Variants in PON2 observed in about 807,000 individuals in gnomAD.
PON2 encodes the protein paraoxonase 2.
Under a neutral mutation model 36.6 loss-of-function variants are expected in PON2, and 27 were observed. The ratio of observed to expected loss-of-function variants is 0.74; its 90% CI spans 0.54 to 1.02. PON2 has a LOEUF of 1.02. Among genes scored for constraint, PON2 ranks in the 50% least tolerant of loss-of-function variants. PON2 has a pLI of 0.00. For synonymous variants in PON2, 149 were observed against 156.3 expected, an observed-to-expected ratio of 0.95 and a Z score of 0.35; for missense variants, 363 against 421.1, an observed-to-expected ratio of 0.86 and a Z score of 1.21.
intron 2 of PON2, 25 bp downstream of exon 2, chr7:95,424,490 C>A: frequency 1.3e-6 from 2 of 1,591,702 alleles, no homozygotes. Flanking sequence ...TGCAATGTGC[C>A]CAACAAGCAT....
At chr7:95,424,858 C>T (rs1351662843) in intron 1 of PON2, among the ~76,000 whole-genome samples, 1 of 151,552 alleles carries the variant, frequency 6.6e-6, no homozygotes, top group African/African-American at 2.4e-5. Flanking sequence ...ACTTATAATG[C>T]AAGTTCCTAT....
At chr7:95,405,855 C>T (rs17876204) in intron 8 of PON2, among the ~76,000 whole-genome samples, 97 of 152,134 alleles carry the variant, frequency 6.4e-4, no homozygotes, top group Admixed American at 1.0e-3. Context: ...GTATACCACC[C>T]AAGAAGGGCA....
intron 2 of PON2, among the ~76,000 whole-genome samples, chr7:95,422,004 TA>T (rs1449971411): frequency 1.3e-5 from 2 of 152,216 alleles, no homozygotes; most frequent in Non-Finnish European, 2.9e-5. Context: ...GTCAAAACTC[TA>T]AACACATATT....
chr7:95,415,936 G>T, intron 3 of PON2: 1 of 394,198 alleles, frequency 2.5e-6, no homozygotes, highest in Non-Finnish European at 4.6e-6. Flanking sequence ...GGGGCAACCA[G>T]AACAAGACTC....
Position 95,434,967 on chromosome 7 carries a change from C to G in PON2, c.-16G>C. The G allele has an allele frequency of 6.6e-7, 1 of 1,520,850 alleles. No individual in the cohort carries two copies. The highest frequency in any genetic ancestry group is 2.0e-5 in the Admixed American group (1 of 49,664). The allele number at this position is 1,520,850 out of a possible 1,614,324, so 94.2% of individuals were successfully genotyped here. On this transcript the variant is annotated 5_prime_UTR_variant, in exon 1 of 9. Coordinates refer to ENST00000222572, the MANE Select transcript of PON2 (RefSeq NM_000305.3). Reference sequence around the variant, plus strand: ...GCCGCCCCATGGCGCGGGAGCCGGGCGCGCTGCCTCGCTCCGGCCTGGCCA... The same window carrying G: ...GCCGCCCCATGGCGCGGGAGCCGGGGGCGCTGCCTCGCTCCGGCCTGGCCA...
chr7:95,411,197 T>C (rs775532732), intron 5 of PON2, among the ~76,000 whole-genome samples: 9 of 152,154 alleles, frequency 5.9e-5, no homozygotes, highest in South Asian at 2.1e-4. Context: ...CATGCAACCA[T>C]CACTAACCCT....
intron 4 of PON2, 42 bp downstream of exon 4, chr7:95,412,270 C>G: frequency 6.2e-7 from 1 of 1,604,850 alleles, no homozygotes; most frequent in Non-Finnish European, 8.5e-7. Flanking sequence ...CATTTGTGAA[C>G]CATCACACGT....
chr7:95,406,204 G>A lies in PON2; in HGVS notation c.821C>T (p.Pro274Leu), dbSNP rs77619496. ...GCCTACCCAGATGTCCCCCGAGGAA[G>A]GATCAATAGATAAATTATCCACCAG... The part of the protein sequence containing the change: ...DTLVDNLSID[P>L]SSGDIWVGCH... The change falls in exon 8 of 9, where the codon CCT (proline) becomes CTT (leucine). Residue 274 changes from proline to leucine, a missense_variant. Pro to Leu is a moderately conservative substitution (Grantham distance 98, BLOSUM62 -3). Coordinates refer to ENST00000222572, the MANE Select transcript of PON2 (RefSeq NM_000305.3). 16 of 1,612,294 alleles carry A rather than the reference G, an allele frequency of 9.9e-6. No homozygotes were observed. In the East Asian group the frequency reaches 3.6e-4, roughly 36 times the overall value.
rs1261547703 is a variant in PON2 at position 95,412,294 on chromosome 7, T to C, written c.367+18A>G. ...ACCATCACACGTTACTAAATGTTGGTAGCCCATTGGCTCTTACCGTTGTCT... is the reference window on the plus strand; with the variant it reads ...ACCATCACACGTTACTAAATGTTGGCAGCCCATTGGCTCTTACCGTTGTCT... On this transcript the variant is annotated intron_variant, in intron 4 of 8. Coordinates refer to ENST00000222572, the MANE Select transcript of PON2 (RefSeq NM_000305.3). The C allele has an allele frequency of 6.2e-7, 1 of 1,613,802 alleles. No homozygotes were observed. Among genetic ancestry groups the C allele is most frequent in the Non-Finnish European group, 8.5e-7 (1 of 1,179,676 alleles).
intron 2 of PON2, chr7:95,424,295 T>C (rs767955784): frequency 1.2e-5 from 7 of 566,270 alleles, no homozygotes; most frequent in African/African-American, 5.7e-5. Flanking sequence ...ATGCTAAACA[T>C]AGAATTACAC....
chr7:95,420,172 CAT>C, intron 2 of PON2, among the ~76,000 whole-genome samples: 1 of 152,054 alleles, frequency 6.6e-6, no homozygotes, highest in Non-Finnish European at 1.5e-5. Context: ...CCTTTTCTCC[CAT>C]CAGTAGACTG....
At chr7:95,417,690 GACACACAC>G (rs555142509) in intron 2 of PON2, among the ~76,000 whole-genome samples, 11 of 93,812 alleles carry the variant, frequency 1.2e-4, no homozygotes, top group African/African-American at 2.2e-4. Context: ...TGTACACACA[GACACACAC>G]ACACACACAC....
intron 6 of PON2, among the ~76,000 whole-genome samples, chr7:95,409,355 C>T (rs1809801812): frequency 6.6e-6 from 1 of 151,458 alleles, no homozygotes; most frequent in Admixed American, 6.6e-5. Context: ...GGGACTTTTT[C>T]TTTAAAAAAA....
chr7:95,414,977 G>A (rs1015286588), intron 3 of PON2, among the ~76,000 whole-genome samples: 2 of 152,196 alleles, frequency 1.3e-5, no homozygotes, highest in Non-Finnish European at 2.9e-5. Flanking sequence ...AACCTGAAGA[G>A]TGTTCTAATT....
At position 95,429,477 on chromosome 7, in the gene PON2, A is replaced by G. The variant is rs1418772426; in HGVS notation, c.75-4892T>C. Among the ~76,000 whole-genome samples the G allele has an allele frequency of 5.3e-5, 8 of 152,310 alleles. No individual in the cohort carries two copies. The East Asian group carries it at 1.4e-3, about 26-fold the overall frequency. On this transcript the variant is annotated intron_variant, in intron 1 of 8. Transcript: ENST00000222572. ...GTTCCAAGTCTTTGCTATTGTGAAT[A>G]GAAAGCATGAACTCTTAACCAACAG...
intron 2 of PON2, among the ~76,000 whole-genome samples, chr7:95,423,523 T>G (rs1172482496): frequency 6.6e-6 from 1 of 151,870 alleles, no homozygotes; most frequent in Non-Finnish European, 1.5e-5. Flanking sequence ...TGGAGAAGAA[T>G]CTGGACAGAT....
rs1789525989 is a variant in PON2, at chr7:95,434,811, C to T, written c.74+67G>A. On this transcript the variant is annotated intron_variant, in intron 1 of 8. Transcript: ENST00000222572. ...GAATCCCTCCCCCAGCCTGCGCCCT[C>T]CCCGCACCACGCGGCCACCCCGAGC... 21 of 1,506,662 alleles carry T rather than the reference C, an allele frequency of 1.4e-5. No homozygotes were observed. The South Asian group carries it at 2.5e-4, about 18-fold the overall frequency. 93.3% of individuals were successfully genotyped at this position (1,506,662 alleles called of 1,614,324 possible).
intron 1 of PON2, among the ~76,000 whole-genome samples, chr7:95,431,849 A>G (rs1789449622): frequency 6.6e-6 from 1 of 151,974 alleles, no homozygotes; most frequent in African/African-American, 2.4e-5. Context: ...ATATTTTAGT[A>G]TAATTATGTC....
chr7:95,423,832 T>C (rs1443246783), intron 2 of PON2, among the ~76,000 whole-genome samples: 2 of 151,914 alleles, frequency 1.3e-5, no homozygotes, highest in Non-Finnish European at 2.9e-5. Context: ...ACTTACAATC[T>C]TGGTGGAAGG....
Sources: gnomAD v4.1 joint callset for allele counts (sites outside exome capture counted in the v4.1 genomes callset) on GRCh38, gnomAD v4.1.1 for gene constraint, MANE v1.5 for transcripts, NCBI Gene and HGNC (gene_info 2026-07-23, HGNC 2026-07-21) for gene names.